The following EHMT1 variants were observed in gnomAD, a reference collection of about 807,000 sequenced individuals.
EHMT1 encodes histone-lysine N-methyltransferase EHMT1.
A neutral mutation model predicts 147.2 loss-of-function variants in EHMT1; 15 were observed. The observed-to-expected ratio is 0.10, with a 90% CI of 0.07 to 0.16. EHMT1 has a LOEUF of 0.16. EHMT1 is among the 10% of genes least tolerant of loss of function. The pLI, the probability that EHMT1 is intolerant of heterozygous loss-of-function variation, is 1.00. For synonymous variants in EHMT1, 795 were observed against 709.6 expected, an observed-to-expected ratio of 1.12 and a Z score of -1.91; for missense variants, 1,587 against 1,772.4, an observed-to-expected ratio of 0.90 and a Z score of 1.88.
chr9:137,817,672 C>T (rs1955029111), intron 24 of EHMT1, 147 bp downstream of exon 24: 8 of 1,027,058 alleles, frequency 7.8e-6, no homozygotes, highest in Admixed American at 2.0e-5. Context: ...ACCCTGGCCC[C>T]GAGAACCAAG....
intron 1 of EHMT1, among the ~76,000 whole-genome samples, chr9:137,669,345 A>AGGACGTGCACTCGACCT (rs1564562465): frequency 1.1e-4 from 1 of 9,076 alleles, no homozygotes; most frequent in Non-Finnish European, 2.0e-4. Flanking sequence ...TGGACCCCAC[A>AGGACGTGCACTCGACCT]CCACCCAAGA....
At chr9:137,833,218 G>A (rs1282581914) in intron 25 of EHMT1, among the ~76,000 whole-genome samples, 1 of 152,230 alleles carries the variant, frequency 6.6e-6, no homozygotes, top group East Asian at 1.9e-4. Context: ...TGTCTCTGCC[G>A]GCAGGCCCCG....
At chr9:137,755,242 C>A (rs1949292619) in intron 8 of EHMT1, among the ~76,000 whole-genome samples, 1 of 152,190 alleles carries the variant, frequency 6.6e-6, no homozygotes, top group South Asian at 2.1e-4. Flanking sequence ...CTGGCCCCTT[C>A]CCTGCCTCCC....
intron 1 of EHMT1, among the ~76,000 whole-genome samples, chr9:137,693,379 C>T (rs986545448): frequency 6.6e-6 from 1 of 152,092 alleles, no homozygotes; most frequent in Non-Finnish European, 1.5e-5. Flanking sequence ...GTCCTGCAGC[C>T]CCCGCATAGC....
chr9:137,728,685 G>GGCATAC, intron 4 of EHMT1, 156 bp downstream of exon 4: 1 of 902,178 alleles, frequency 1.1e-6, no homozygotes, highest in Non-Finnish European at 1.8e-6. Flanking sequence ...CTGTATGCCT[G>GGCATAC]AGGAGGCACA....
chr9:137,790,825 C>T (rs759977555), intron 15 of EHMT1, 23 bp from the exon 16 acceptor site: 31 of 1,614,082 alleles, frequency 1.9e-5, no homozygotes, highest in African/African-American at 2.7e-5. Flanking sequence ...CCCTCCCATA[C>T]ACCTGAACTG....
chr9:137,811,721 A>G, intron 19 of EHMT1, 106 bp downstream of exon 19: 1 of 1,456,150 alleles, frequency 6.9e-7, no homozygotes, highest in East Asian at 2.4e-5. Flanking sequence ...GAGTGGACAC[A>G]GGCCCTCTGT....
chr9:137,812,778 G>T (rs1954599176), intron 19 of EHMT1, among the ~76,000 whole-genome samples: 1 of 152,246 alleles, frequency 6.6e-6, no homozygotes, highest in Non-Finnish European at 1.5e-5. Flanking sequence ...TAAGAAAACA[G>T]CCTGCTGACT....
chr9:137,835,029 C>T lies in EHMT1; in HGVS notation c.*76C>T, dbSNP rs966013056. Reference sequence around the variant, plus strand: ...GATTAGAGGACGAGGAGGAGAGATTCCGCACGCAACCGAAAGGGTCCTTCG... The same window carrying T: ...GATTAGAGGACGAGGAGGAGAGATTTCGCACGCAACCGAAAGGGTCCTTCG... On this transcript the variant is annotated 3_prime_UTR_variant, in exon 27 of 27. Coordinates refer to ENST00000460843, the MANE Select transcript of EHMT1 (RefSeq NM_024757.5). The T allele has an allele frequency of 1.5e-6, 2 of 1,333,944 alleles. No individual in the cohort carries two copies. The highest frequency in any genetic ancestry group is 1.9e-6 in the Non-Finnish European group (2 of 1,044,310). 82.6% of individuals were successfully genotyped at this position (1,333,944 alleles called of 1,614,324 possible).
intron 10 of EHMT1, chr9:137,763,651 G>GT (rs1403814213): frequency 6.5e-6 from 1 of 153,680 alleles, no homozygotes; most frequent in Non-Finnish European, 1.4e-5. Flanking sequence ...GCTGCACATT[G>GT]TGGAAGTAAG....
chr9:137,820,775 G>A (rs571597064), intron 25 of EHMT1, among the ~76,000 whole-genome samples: 3 of 152,160 alleles, frequency 2.0e-5, no homozygotes, highest in Non-Finnish European at 4.4e-5. Flanking sequence ...CAGTGTCCTC[G>A]TCCTATCAAT....
Position 137,688,244 on chromosome 9 carries a change from G to A in EHMT1, c.22-22723G>A, listed in dbSNP as rs575845974. Among the ~76,000 whole-genome samples the A allele has an allele frequency of 6.2e-4, 94 of 152,264 alleles. 1 individual carries two copies. Among genetic ancestry groups the A allele is most frequent in the African/African-American group, 2.1e-3 (89 of 41,548 alleles). On this transcript the variant is annotated intron_variant, in intron 1 of 26. Transcript: ENST00000460843. ...TCACCATGTTGGCCAGGCTGGTCTC[G>A]AACTCCTAACCTCTAGTGATCTGCC...
intron 8 of EHMT1, among the ~76,000 whole-genome samples, chr9:137,755,380 G>A (rs930922392): frequency 6.6e-6 from 1 of 152,162 alleles, no homozygotes; most frequent in Non-Finnish European, 1.5e-5. Flanking sequence ...ATTGTTTTGA[G>A]TTGCCAGGCT....
chr9:137,759,572 C>CGGAGGAGAAATGGCAGGGAGT, intron 9 of EHMT1, among the ~76,000 whole-genome samples: 1 of 152,266 alleles, frequency 6.6e-6, no homozygotes, highest in Non-Finnish European at 1.5e-5. Flanking sequence ...AACACAAAGC[C>CGGAGGAGAAATGGCAGGGAGT]GGAGGAGAAA....
intron 15 of EHMT1, among the ~76,000 whole-genome samples, chr9:137,790,148 A>G (rs1015468539): frequency 6.6e-6 from 1 of 152,252 alleles, no homozygotes; most frequent in African/African-American, 2.4e-5. Context: ...AATAGTAAAA[A>G]CAATACTATT....
intron 1 of EHMT1, among the ~76,000 whole-genome samples, chr9:137,686,392 A>T (rs958973329): frequency 6.6e-6 from 1 of 151,696 alleles, no homozygotes; most frequent in African/African-American, 2.4e-5. Context: ...AAATTTTTTT[A>T]ATTTTTTTAT....
intron 1 of EHMT1, among the ~76,000 whole-genome samples, chr9:137,706,058 G>T (rs967051543): frequency 6.6e-6 from 1 of 151,776 alleles, no homozygotes; most frequent in African/African-American, 2.4e-5. Context: ...GGGGTTGGGG[G>T]TGGGGCGTCA....
At chr9:137,826,834 T>G (rs1216822056) in intron 25 of EHMT1, among the ~76,000 whole-genome samples, 1 of 152,236 alleles carries the variant, frequency 6.6e-6, no homozygotes, top group Non-Finnish European at 1.5e-5. Flanking sequence ...CCTCCCAAAC[T>G]GTCTGTGTGG....
At chr9:137,642,543 AT>A (rs1844570191) in intron 1 of EHMT1, among the ~76,000 whole-genome samples, 1 of 152,046 alleles carries the variant, frequency 6.6e-6, no homozygotes, top group South Asian at 2.1e-4. Flanking sequence ...ATTTGACTGT[AT>A]TTTTTATTTG....
Sources: allele counts gnomAD v4.1 joint callset (sites outside exome capture counted in the v4.1 genomes callset), GRCh38; gene constraint gnomAD v4.1.1; transcripts MANE v1.5; gene names NCBI Gene and HGNC (gene_info 2026-07-23, HGNC 2026-07-21).